The following CASKIN2 variants were observed in gnomAD, a reference collection of about 807,000 sequenced individuals.
The protein encoded by CASKIN2 is caskin-2.
CASKIN2 carries 41 observed loss-of-function variants against 107.1 expected under a neutral mutation model. The observed-to-expected ratio is 0.38, with a 90% CI of 0.30 to 0.50. The LOEUF (loss-of-function observed/expected upper bound fraction) is 0.50, where lower values mean the gene tolerates loss of function less well. Ranked by LOEUF, CASKIN2 falls within the 20% of genes least tolerant of loss-of-function variation. The pLI, the probability that CASKIN2 is intolerant of heterozygous loss-of-function variation, is 0.92. For missense variants in CASKIN2, 1,546 were observed against 1,657.4 expected, an observed-to-expected ratio of 0.93 and a Z score of 1.17; for synonymous variants, 724 against 705.6, an observed-to-expected ratio of 1.03 and a Z score of -0.41.
At chr17:75,513,661 T>G in intron 2 of CASKIN2, 50 bp downstream of exon 2, 1 of 1,404,516 alleles carries the variant, frequency 7.1e-7, no homozygotes, top group Non-Finnish European at 1.0e-6. Flanking sequence ...CAAGCCTCTG[T>G]GAACTGAGCG....
chr17:75,507,599 T>C lies in CASKIN2; in HGVS notation c.229A>G (p.Ile77Val), dbSNP rs1362030981. ...GGGGTCTCACCATTGCTGTCCTTGA[T>C]GTCAACAGTGGCCTGAGCCTCTAGC... ...LLLEAQATVD[I>V]KDSNGMRPLH... The change falls in exon 4 of 20, where the codon ATC (isoleucine) becomes GTC (valine). Residue 77 changes from isoleucine (I) to valine (V), a missense_variant. Coordinates refer to ENST00000321617, the MANE Select transcript of CASKIN2 (RefSeq NM_020753.5). 1 of 1,612,904 alleles carries C rather than the reference T, an allele frequency of 6.2e-7. No homozygotes were observed. The highest frequency in any genetic ancestry group is 1.7e-5 in the Admixed American group (1 of 59,996).
rs1236665424 is a variant in CASKIN2, at chr17:75,505,006, C to T, written c.998G>A (p.Arg333His). The change falls in exon 11 of 20, where the codon CGC becomes CAC. Residue 333 changes from arginine (R) to histidine (H), a missense_variant. Physicochemically the swap from Arg to His is conservative, Grantham distance 29 (BLOSUM62 0). Coordinates refer to ENST00000321617, the MANE Select transcript of CASKIN2 (RefSeq NM_020753.5). This position sits in a 1 kb window ranked among gnomAD's most constrained non-coding sequence, Gnocchi z 5.1. ...HIHESQRGTD[R>H]IGYFPPGIVE... ...AATGCCCGGGGGGAAGTAGCCTATG[C>T]GGTCTGTGCCCCTCTGGCTCTCGTG... 8 of 1,612,150 alleles carry T rather than the reference C, an allele frequency of 5.0e-6. No individual in the cohort carries two copies. The highest frequency in any genetic ancestry group is 1.7e-5 in the Admixed American group (1 of 59,968).
chr17:75,512,516 C>T (rs1421481594), intron 2 of CASKIN2, among the ~76,000 whole-genome samples: 16 of 149,624 alleles, frequency 1.1e-4, no homozygotes, highest in Non-Finnish European at 2.4e-4. Context: ...TGAGCTCTGG[C>T]CACACCCCAC....
Position 75,502,556 on chromosome 17 carries a change from G to A in CASKIN2, c.2518C>T (p.Arg840Trp), listed in dbSNP as rs753754598. ...GTTGGGGTCACACTAGGACTGGTCC[G>A]GACAAGGGCACTGCGTCCTGGCCGC... Reference protein sequence around the residue: ...TRRPGRSALVRTSPSVTPTPA... With the variant: ...TRRPGRSALVWTSPSVTPTPA... The change falls in exon 18 of 20, where the codon CGG becomes TGG. Residue 840 changes from arginine (R) to tryptophan (W), a missense_variant. By Grantham distance (101) the Arg-to-Trp change is moderately radical. Around this residue, in one of 6 missense-constraint regions of CASKIN2, gnomAD observed 1,311 missense variants for 1,311.0 expected, o/e 1.00. Coordinates refer to ENST00000321617, the MANE Select transcript of CASKIN2 (RefSeq NM_020753.5). The surrounding 1 kb of genome is among the most constrained non-coding windows in gnomAD (Gnocchi z 4.3). The A allele has an allele frequency of 3.9e-5, 61 of 1,567,442 alleles. No homozygotes were observed. Among genetic ancestry groups the A allele is most frequent in the East Asian group, 1.4e-4 (6 of 43,226 alleles).
Position 75,504,639 on chromosome 17 carries a change from GCACTGCGGATGCTGCCCACGCTGCCCT to G in CASKIN2, c.1220_1246del (p.Glu407_Ser415del), listed in dbSNP as rs749495739. ...GCCCTCAGAGCTCTGCCCGCTGCCG[GCACTGCGGATGCTGCCCACGCTGCCCT>G]CACTGCCCACACTATTCCTGTCACC... is the stretch of plus-strand genomic sequence containing the variant. On this transcript the variant is annotated inframe_deletion, in exon 12 of 20. Coordinates refer to ENST00000321617, the MANE Select transcript of CASKIN2 (RefSeq NM_020753.5). 1 of 1,607,956 alleles carries G rather than the reference GCACTGCGGATGCTGCCCACGCTGCCCT, an allele frequency of 6.2e-7. No individual in the cohort carries two copies. The highest frequency in any genetic ancestry group is 1.1e-5 in the South Asian group (1 of 90,664).
rs146308250 is a variant in CASKIN2 at position 75,501,825 on chromosome 17, T to C, written c.3249A>G (p.Thr1083=). The change falls in exon 18 of 20, where the codon ACA becomes ACG. Residue 1083 remains threonine (T), a synonymous_variant. Transcript: ENST00000321617. ...GGGCAGCAGGGGCGGCCGGGGGTTC[T>C]GTCTCCCCATTCCACCGACTAGCTG... The part of the protein sequence containing the change: ...SSAASRWNGE[T]EPPAAPAALL... 92 of 1,552,564 alleles carry C rather than the reference T, an allele frequency of 5.9e-5. No individual in the cohort carries two copies. The African/African-American group carries it at 8.2e-4, about 14-fold the overall frequency.
chr17:75,513,601 C>A, intron 2 of CASKIN2, 110 bp downstream of exon 2: 1 of 902,592 alleles, frequency 1.1e-6, no homozygotes, highest in Non-Finnish European at 1.8e-6. Flanking sequence ...GAGAACAAGA[C>A]AGTCCACCCT....
At position 75,502,755 on chromosome 17, in the gene CASKIN2, G is replaced by A. The variant is rs781220128; in HGVS notation, c.2319C>T (p.Gly773=). 9.5e-5 allele frequency: 151 copies of A among 1,596,068 alleles called. No homozygotes were observed. Among genetic ancestry groups the A allele is most frequent in the Middle Eastern group, 1.7e-4 (1 of 6,030 alleles). The stretch of plus-strand genomic sequence containing the variant: ...CCAAGTAGGAGAAGGCCCAGGGTGC[G>A]CCAGGAGGTGGCCCTGGGGCCGGGC... The part of the protein sequence containing the change: ...PSSPAPGPPP[G]APWAFSYLAG... Residue 773 remains glycine, a synonymous_variant, in exon 18 of 20, where the codon GGC becomes GGT. Transcript: ENST00000321617. The surrounding 1 kb of genome is among the most constrained non-coding windows in gnomAD (Gnocchi z 4.3).
Position 75,507,781 on chromosome 17 carries a change from T to A in CASKIN2, c.147-100A>T, listed in dbSNP as rs947725897. On this transcript the variant is annotated intron_variant, in intron 3 of 19. Transcript: ENST00000321617. ...AACCTATCCTGGGGGCTGGCAGGGA[T>A]GGGTTACTGGCCCCCCCAACCCCAG... 6.8e-6 allele frequency: 6 copies of A among 884,940 alleles called. No individual in the cohort carries two copies. The African/African-American group carries it at 9.9e-5, about 15-fold the overall frequency. 54.8% of individuals were successfully genotyped at this position (884,940 alleles called of 1,614,324 possible). A position where few individuals can be genotyped will look rare whatever the true frequency, so the allele number is the denominator to read the frequency against.
chr17:75,504,383 C>T (rs952764754), intron 13 of CASKIN2, 37 bp downstream of exon 13: 6 of 1,599,894 alleles, frequency 3.8e-6, no homozygotes, highest in Non-Finnish European at 4.3e-6. Flanking sequence ...TTACTTGCAC[C>T]TCTCCTAGCC....
intron 2 of CASKIN2, among the ~76,000 whole-genome samples, chr17:75,513,504 A>G (rs1598471038): frequency 6.6e-6 from 1 of 152,190 alleles, no homozygotes; most frequent in Non-Finnish European, 1.5e-5. Flanking sequence ...ACTGCAGCCC[A>G]GAGAGGTTAA....
intron 3 of CASKIN2, chr17:75,507,944 C>T (rs940921233): frequency 4.6e-5 from 27 of 583,858 alleles, no homozygotes; most frequent in Middle Eastern, 4.5e-4. Context: ...AGCCTGAGGG[C>T]TCCTACCCTC....
At position 75,502,663 on chromosome 17, in the gene CASKIN2, G is replaced by C. The variant is rs1193898003; in HGVS notation, c.2411C>G (p.Pro804Arg). 1.4e-5 allele frequency: 22 copies of C among 1,603,498 alleles called. No individual in the cohort carries two copies. Among genetic ancestry groups the C allele is most frequent in the Non-Finnish European group, 1.8e-5 (21 of 1,174,874 alleles). The change falls in exon 18 of 20, where the codon CCT becomes CGT. Residue 804 changes from proline (P) to arginine (R), a missense_variant. This residue lies in a region of CASKIN2 where 1,311 missense variants were observed against 1,311.0 expected (regional missense o/e 1.00). Transcript: ENST00000321617. This position sits in a 1 kb window ranked among gnomAD's most constrained non-coding sequence, Gnocchi z 4.3. ...PKRRSHSLSR[P>R]GPTEGDAEGE... ...CTCAGCATCCCCCTCTGTGGGGCCA[G>C]GGCGGCTTAGGCTGTGGGACCGGCG... is the stretch of plus-strand genomic sequence containing the variant.
rs775974159 is a variant in CASKIN2 at position 75,502,288 on chromosome 17, G to A, written c.2786C>T (p.Thr929Met). 69 of 1,510,200 alleles carry A rather than the reference G, an allele frequency of 4.6e-5. No homozygotes were observed. Among genetic ancestry groups the A allele is most frequent in the Middle Eastern group, 1.8e-4 (1 of 5,598 alleles). The allele number at this position is 1,510,200 out of a possible 1,614,324, so 93.5% of individuals were successfully genotyped here. A position where few individuals can be genotyped will look rare whatever the true frequency, so the allele number is the denominator to read the frequency against. ...CTCAGGGCCTGGCTCCTCCTCCTCC[G>A]TGTCTGACGCGGGCCCAGCCGGGGC... ...PPAPAGPASD[T>M]EEEEPGPEGT... Residue 929 changes from threonine (T) to methionine (M), a missense_variant, in exon 18 of 20, where the codon ACG becomes ATG. Thr to Met is a moderately conservative substitution (Grantham distance 81). This residue lies in a region of CASKIN2 where 1,311 missense variants were observed against 1,311.0 expected (regional missense o/e 1.00). Transcript: ENST00000321617. The surrounding 1 kb of genome is among the most constrained non-coding windows in gnomAD (Gnocchi z 4.3).
In CASKIN2 at chr17:75,504,939, G is replaced by T. The variant is rs752873007; in HGVS notation, c.1065C>A (p.Arg355=). 6.2e-7 allele frequency: 1 copy of T among 1,610,414 alleles called. No individual in the cohort carries two copies. Among genetic ancestry groups the T allele is most frequent in the Non-Finnish European group, 8.5e-7 (1 of 1,178,674 alleles). ...VSKRVGIPAA[R]LPSAPTPLRP... ...GCAGGGGGGTGGGTGCGGAGGGGAGGCGGGCTGCAGGGATGCCCACCCGCT... is the reference window on the plus strand; with the variant it reads ...GCAGGGGGGTGGGTGCGGAGGGGAGTCGGGCTGCAGGGATGCCCACCCGCT... Residue 355 remains arginine (R), a synonymous_variant, in exon 11 of 20, where the codon CGC becomes CGA. Transcript: ENST00000321617.
Position 75,501,624 on chromosome 17 carries a change from G to T in CASKIN2, c.3362C>A (p.Pro1121His). The change falls in exon 19 of 20, where the codon CCC (proline) becomes CAC (histidine). Residue 1121 changes from proline (P) to histidine (H), a missense_variant. By Grantham distance (77) the Pro-to-His change is moderately conservative. Transcript: ENST00000321617. Reference protein sequence around the residue: ...QLAFSGPKLAPRLGPRPVPPP... With the variant: ...QLAFSGPKLAHRLGPRPVPPP... The stretch of plus-strand genomic sequence containing the variant: ...AGGCACTGGGCGGGGGCCGAGCCGG[G>T]GCGCTAGCTTAGGGCCAGAAAATGC... 2 of 1,600,018 alleles carry T rather than the reference G, an allele frequency of 1.2e-6. No homozygotes were observed. The highest frequency in any genetic ancestry group is 8.5e-7 in the Non-Finnish European group (1 of 1,172,728).
intron 3 of CASKIN2, chr17:75,507,893 C>A (rs986455390): frequency 2.2e-5 from 13 of 578,588 alleles, no homozygotes; most frequent in Non-Finnish European, 4.0e-5. Context: ...CTCGCCCCCC[C>A]GCCTCCCAGC....
Position 75,503,070 on chromosome 17 carries a change from C to G in CASKIN2, c.2004G>C (p.Gln668His), listed in dbSNP as rs757617167. Residue 668 changes from glutamine (Q) to histidine (H), a missense_variant, in exon 18 of 20, where the codon CAG (glutamine) becomes CAC (histidine). Gln to His is a conservative substitution (Grantham distance 24). Transcript: ENST00000321617. The stretch of plus-strand genomic sequence containing the variant: ...GTAGCTCTGGGCTTAGTTCGCTGCC[C>G]TGGAAGGTGAGGAGCCGTGGGCCAG... ...ATAGPRLLTF[Q>H]GSELSPELQA... 3.7e-6 allele frequency: 6 copies of G among 1,607,130 alleles called. No homozygotes were observed. In the South Asian group the frequency reaches 5.5e-5, roughly 15 times the overall value.
Position 75,506,747 on chromosome 17 carries a change from C to A in CASKIN2, c.487-34G>T. Reference sequence around the variant, plus strand: ...CCCAGTGCCCAGTTAGAGCCTCCTCCTGAGACCCTGTAGATGTCCAGGACC... The same window carrying A: ...CCCAGTGCCCAGTTAGAGCCTCCTCATGAGACCCTGTAGATGTCCAGGACC... On this transcript the variant is annotated intron_variant, in intron 6 of 19. Transcript: ENST00000321617. This position sits in a 1 kb window ranked among gnomAD's most constrained non-coding sequence, Gnocchi z 4.8. 6.2e-7 allele frequency: 1 copy of A among 1,613,716 alleles called. No homozygotes were observed. The highest frequency in any genetic ancestry group is 8.5e-7 in the Non-Finnish European group (1 of 1,179,954).
Sources: gnomAD v4.1 joint callset for allele counts (sites outside exome capture counted in the v4.1 genomes callset) on GRCh38, gnomAD v4.1.1 for gene constraint, gnomAD v4.1.1 regional missense constraint, Gnocchi (gnomAD v3.1) non-coding constraint, MANE v1.5 for transcripts, NCBI Gene and HGNC (gene_info 2026-07-23, HGNC 2026-07-21) for gene names.